The following TG variants were observed in gnomAD, a reference collection of about 807,000 sequenced individuals.
The protein encoded by TG is thyroid hormones.
Under a neutral mutation model 324.7 loss-of-function variants are expected in TG, and 270 were observed. The observed-to-expected ratio is 0.83, with a 90% confidence interval of 0.75 to 0.92. TG has a LOEUF of 0.92. Ranked by LOEUF, TG falls within the 40% of genes least tolerant of loss-of-function variation. TG has a pLI of 0.00. For missense variants in TG, 3,591 were observed against 3,456.4 expected (o/e 1.04, Z -0.98); for synonymous variants, 1,401 against 1,327.0 (o/e 1.06, Z -1.21).
chr8:132,883,860 G>A (rs1426825660), intron 8 of TG, among the ~76,000 whole-genome samples: 1 of 152,194 alleles, frequency 6.6e-6, no homozygotes, highest in Non-Finnish European at 1.5e-5. Context: ...GCATCTGAGA[G>A]CAACTGAAAT....
chr8:132,957,324 A>G (rs1827030167), intron 27 of TG, among the ~76,000 whole-genome samples: 2 of 151,808 alleles, frequency 1.3e-5, no homozygotes, highest in Admixed American at 1.3e-4. Context: ...AACTTAAGAC[A>G]GCATATTTCC....
chr8:132,966,262 GGAC>G, intron 29 of TG, among the ~76,000 whole-genome samples: 2 of 152,258 alleles, frequency 1.3e-5, no homozygotes, highest in South Asian at 4.1e-4. Context: ...GTGAAAAGGT[GGAC>G]CAGATAACTT....
chr8:133,001,813 G>C, intron 35 of TG: 1 of 985,472 alleles, frequency 1.0e-6, no homozygotes, highest in Non-Finnish European at 1.2e-6. Context: ...GACTTTTCCT[G>C]CCTGAAAGGT....
intron 35 of TG, among the ~76,000 whole-genome samples, chr8:133,004,657 A>G (rs1833863453): frequency 1.3e-5 from 2 of 152,188 alleles, no homozygotes; most frequent in South Asian, 4.1e-4. Context: ...TGAGTGGGTG[A>G]GAGTAGGGGA....
At chr8:132,915,085 CTA>C (rs1365188255) in intron 20 of TG, among the ~76,000 whole-genome samples, 2 of 152,076 alleles carry the variant, frequency 1.3e-5, no homozygotes, top group Admixed American at 1.3e-4. Context: ...TGTGATGTGT[CTA>C]TGTGTGTATG....
chr8:133,076,249 A>G (rs1844843366), intron 41 of TG: 1 of 152,270 alleles, frequency 6.6e-6, no homozygotes, highest in South Asian at 2.1e-4. Context: ...AGCTAGTCCC[A>G]AAGAAGAGCC....
intron 20 of TG, among the ~76,000 whole-genome samples, chr8:132,916,288 A>T (rs1820276864): frequency 6.6e-6 from 1 of 152,212 alleles, no homozygotes; most frequent in Non-Finnish European, 1.5e-5. Flanking sequence ...AGCACTTAGT[A>T]AACTCTTGGC....
intron 43 of TG, 52 bp downstream of exon 43, chr8:133,096,425 T>C (rs1203269232): frequency 1.2e-6 from 2 of 1,604,428 alleles, no homozygotes; most frequent in Non-Finnish European, 1.7e-6. Context: ...TCCTAAGGGC[T>C]CTGGACCTCA....
chr8:133,009,604 T>G (rs1220419317), intron 35 of TG, among the ~76,000 whole-genome samples: 1 of 152,064 alleles, frequency 6.6e-6, no homozygotes, highest in Non-Finnish European at 1.5e-5. Flanking sequence ...ATTTGTATGT[T>G]GAAACCCTAA....
At chr8:133,107,207 G>A (rs1435979492) in intron 43 of TG, among the ~76,000 whole-genome samples, 1 of 152,134 alleles carries the variant, frequency 6.6e-6, no homozygotes, top group Non-Finnish European at 1.5e-5. Context: ...ATCTTCTGAG[G>A]CCACAGAATA....
rs144017981 is a variant in TG, at chr8:133,093,219, G to A, written c.7240-1825G>A. The stretch of plus-strand genomic sequence containing the variant: ...CTCATTGTTGGAAAAATAAACCTGA[G>A]GGCACAAGAACTCAACAATAGGCTA... On this transcript the variant is annotated intron_variant, in intron 41 of 47. Coordinates refer to ENST00000220616, the MANE Select transcript of TG (RefSeq NM_003235.5). Among the ~76,000 whole-genome samples, 568 of 151,880 alleles carry A rather than the reference G, an allele frequency of 3.7e-3. 2 individuals are homozygous for A. Among genetic ancestry groups the A allele is most frequent in the African/African-American group, 0.013 (540 of 41,270 alleles).
intron 37 of TG, among the ~76,000 whole-genome samples, chr8:133,015,744 T>A (rs1038682059): frequency 4.6e-5 from 7 of 152,302 alleles, no homozygotes; most frequent in Admixed American, 3.3e-4. Context: ...GACCCCTTGA[T>A]TTATGATTGT....
intron 23 of TG, 29 bp downstream of exon 23, chr8:132,929,221 A>T (rs1485045007): frequency 1.3e-6 from 2 of 1,545,322 alleles, no homozygotes; most frequent in Non-Finnish European, 9.0e-7. Context: ...ATATGCACTC[A>T]GAAGAAGGTG....
chr8:132,871,629 G>C (rs1839489566), intron 4 of TG, 78 bp downstream of exon 4: 2 of 1,466,900 alleles, frequency 1.4e-6, no homozygotes, highest in Admixed American at 4.0e-5. Flanking sequence ...AACACATTTA[G>C]GGTTTCCTGC....
At chr8:133,018,650 A>AT (rs1414383935) in intron 38 of TG, among the ~76,000 whole-genome samples, 5 of 151,774 alleles carry the variant, frequency 3.3e-5, no homozygotes, top group Admixed American at 6.6e-5. Flanking sequence ...CAATATTGTG[A>AT]TTTTTTTCTA....
chr8:133,038,260 A>G (rs568522488), intron 41 of TG: 39 of 505,764 alleles, frequency 7.7e-5, no homozygotes, highest in African/African-American at 5.0e-4. Flanking sequence ...GTGCATACAT[A>G]CATGCTGGGC....
At chr8:132,970,027 G>A (rs1180154745) in intron 32 of TG, among the ~76,000 whole-genome samples, 1 of 150,918 alleles carries the variant, frequency 6.6e-6, no homozygotes, top group African/African-American at 2.4e-5. Context: ...GTTACTGATA[G>A]TAAACACAAC....
chr8:132,913,856 T>G (rs777216566), intron 20 of TG, among the ~76,000 whole-genome samples: 18 of 152,196 alleles, frequency 1.2e-4, no homozygotes, highest in Non-Finnish European at 2.2e-4. Context: ...TAGGTTTGGA[T>G]TACAATGCGG....
rs1383182629 is a variant in TG, at chr8:132,969,526, A to G, written c.5932A>G (p.Ile1978Val). Reference protein sequence around the residue: ...LPFQKLMGISIRNKVPMSEKS... With the variant: ...LPFQKLMGISVRNKVPMSEKS... ...GTTCCAAAAACTGATGGGGATATCC[A>G]TTAGAAATAAAGTGCCCATGTCTGA... is the stretch of plus-strand genomic sequence containing the variant. The change falls in exon 32 of 48, where the codon ATT becomes GTT. Residue 1978 changes from isoleucine to valine, a missense_variant. Physicochemically the swap from Ile to Val is conservative, Grantham distance 29. Transcript: ENST00000220616. 3.7e-6 allele frequency: 6 copies of G among 1,614,014 alleles called. No homozygotes were observed. The highest frequency in any genetic ancestry group is 1.7e-4 in the Middle Eastern group (1 of 6,060).
Sources: allele counts gnomAD v4.1 joint callset (sites outside exome capture counted in the v4.1 genomes callset), GRCh38; gene constraint gnomAD v4.1.1; transcripts MANE v1.5; gene names NCBI Gene and HGNC (gene_info 2026-07-23, HGNC 2026-07-21).